Variants in ATE1 observed in about 807,000 individuals in gnomAD.
ATE1 encodes arginyltransferase 1, also known as arginyl-tRNA--protein transferase 1.
A neutral mutation model predicts 70.5 loss-of-function variants in ATE1; 36 were observed. The ratio of observed to expected loss-of-function variants is 0.51; its 90% CI spans 0.39 to 0.67. The LOEUF (loss-of-function observed/expected upper bound fraction) is 0.67, where lower values mean the gene tolerates loss of function less well. Among genes scored for constraint, ATE1 ranks in the 30% least tolerant of loss-of-function variants. The probability of loss-of-function intolerance (pLI) is 0.00; values close to 1 mark genes in which losing one functional copy is unlikely to be tolerated. For missense variants in ATE1, 593 were observed against 629.5 expected, an observed-to-expected ratio of 0.94 and a Z score of 0.62; for synonymous variants, 232 against 219.3, an observed-to-expected ratio of 1.06 and a Z score of -0.51.
chr10:121,907,878 C>T (rs1186619511), intron 5 of ATE1, among the ~76,000 whole-genome samples: 1 of 151,664 alleles, frequency 6.6e-6, no homozygotes, highest in Non-Finnish European at 1.5e-5. Context: ...AAAACAATGA[C>T]CAAGCCAGCA....
chr10:121,791,462 GA>G (rs1363879480), intron 10 of ATE1, among the ~76,000 whole-genome samples: 2 of 151,640 alleles, frequency 1.3e-5, no homozygotes, highest in African/African-American at 4.8e-5. Context: ...AGATGCTAAA[GA>G]AAAAAAATCA....
intron 6 of ATE1, among the ~76,000 whole-genome samples, chr10:121,900,818 T>C (rs10887019): frequency 0.3 from 45,528 of 152,126 alleles, 8,170 homozygotes; most frequent in Non-Finnish European, 0.41. Flanking sequence ...AGAACTGTTA[T>C]GTTAAGCGTG....
intron 10 of ATE1, among the ~76,000 whole-genome samples, chr10:121,825,393 G>A (rs1947967718): frequency 6.6e-6 from 1 of 152,104 alleles, no homozygotes; most frequent in Non-Finnish European, 1.5e-5. Context: ...GAAAATATTG[G>A]CTTAGGCAGA....
intron 3 of ATE1, among the ~76,000 whole-genome samples, chr10:121,915,055 G>A (rs1951591159): frequency 6.6e-6 from 1 of 152,132 alleles, no homozygotes; most frequent in South Asian, 2.1e-4. Flanking sequence ...AGAATCACCA[G>A]ACACTCGAGA....
chr10:121,848,935 G>A (rs1021395118), intron 8 of ATE1, among the ~76,000 whole-genome samples: 2 of 145,454 alleles, frequency 1.4e-5, no homozygotes, highest in Non-Finnish European at 3.0e-5. Context: ...TATTAAGAAC[G>A]TAAGTATGCT....
At chr10:121,817,050 TAA>T (rs879327663) in intron 10 of ATE1, among the ~76,000 whole-genome samples, 7 of 152,132 alleles carry the variant, frequency 4.6e-5, no homozygotes, top group Non-Finnish European at 8.8e-5. Context: ...CTCTTTTTAA[TAA>T]ACTTATCTTT....
At chr10:121,868,385 T>G (rs1949734093) in intron 8 of ATE1, among the ~76,000 whole-genome samples, 1 of 152,200 alleles carries the variant, frequency 6.6e-6, no homozygotes, top group Non-Finnish European at 1.5e-5. Flanking sequence ...ATGTACAAAA[T>G]TATGGATCTT....
chr10:121,917,537 GA>G (rs1203226561), intron 3 of ATE1, among the ~76,000 whole-genome samples: 1 of 152,016 alleles, frequency 6.6e-6, no homozygotes, highest in Non-Finnish European at 1.5e-5. Context: ...TAGGGATGGG[GA>G]CAAAAACGAG....
At chr10:121,887,808 A>T (rs981477672) in intron 7 of ATE1, among the ~76,000 whole-genome samples, 3 of 152,246 alleles carry the variant, frequency 2.0e-5, no homozygotes, top group Non-Finnish European at 4.4e-5. Flanking sequence ...AGGAAAAAAG[A>T]TGGTGAGAGG....
rs532088547 is a variant in ATE1 at position 121,755,283 on chromosome 10, T to TA, written c.1379-11426dup. 9.7e-4 allele frequency among the ~76,000 whole-genome samples: 147 copies of TA among 152,072 alleles called. 1 individual carries two copies. Among genetic ancestry groups the TA allele is most frequent in the African/African-American group, 3.3e-3 (137 of 41,510 alleles). Reference sequence around the variant, plus strand: ...GTTTTGATGGCCATGTCTAGTAATGTAAAAAAAAGTGTCCTTGTTTTCAGC... The same window carrying TA: ...GTTTTGATGGCCATGTCTAGTAATGTAAAAAAAAAGTGTCCTTGTTTTCAGC... On this transcript the variant is annotated intron_variant, in intron 11 of 11. Coordinates refer to ENST00000224652, the MANE Select transcript of ATE1 (RefSeq NM_001001976.3).
At chr10:121,757,678 C>A (rs1319968685) in intron 11 of ATE1, among the ~76,000 whole-genome samples, 2 of 152,296 alleles carry the variant, frequency 1.3e-5, no homozygotes, top group African/African-American at 4.8e-5. Context: ...TTTTGTGAGA[C>A]CCATTCACTA....
chr10:121,757,537 T>G (rs1218946776), intron 11 of ATE1, among the ~76,000 whole-genome samples: 2 of 152,158 alleles, frequency 1.3e-5, no homozygotes, highest in African/African-American at 4.8e-5. Flanking sequence ...TTAATTGGAC[T>G]TACAGTTCCA....
intron 10 of ATE1, among the ~76,000 whole-genome samples, chr10:121,830,139 C>T (rs1308284669): frequency 1.3e-5 from 2 of 152,172 alleles, no homozygotes; most frequent in Non-Finnish European, 2.9e-5. Flanking sequence ...ACTGAGGGTT[C>T]TCATGTGCAA....
Position 121,743,551 on chromosome 10 carries a change from C to A in ATE1, c.*129G>T. On this transcript the variant is annotated 3_prime_UTR_variant, in exon 12 of 12. Coordinates refer to ENST00000224652, the MANE Select transcript of ATE1 (RefSeq NM_001001976.3). ...ATTGCCACAAAATATTTTTTAAAAG[C>A]CATAGATAGTCAAAATAAAAAATGT... The A allele has an allele frequency of 7.2e-7, 1 of 1,379,784 alleles. No individual in the cohort carries two copies. 85.5% of individuals were successfully genotyped at this position (1,379,784 alleles called of 1,614,324 possible).
intron 8 of ATE1, among the ~76,000 whole-genome samples, chr10:121,847,743 C>T (rs543392914): frequency 1.9e-5 from 2 of 107,434 alleles, no homozygotes; most frequent in South Asian, 3.3e-4. Context: ...GGGGACAGAG[C>T]GAGACTCTGT....
intron 11 of ATE1, among the ~76,000 whole-genome samples, chr10:121,771,086 T>A (rs1945498121): frequency 1.3e-5 from 2 of 152,176 alleles, no homozygotes; most frequent in African/African-American, 4.8e-5. Flanking sequence ...TTATTTATTT[T>A]TTTGAGACAG....
intron 11 of ATE1, among the ~76,000 whole-genome samples, chr10:121,760,589 G>T (rs972024192): frequency 2.6e-5 from 4 of 152,246 alleles, no homozygotes; most frequent in African/African-American, 9.6e-5. Flanking sequence ...TTGCATGGAG[G>T]AGGAGTTGTT....
intron 10 of ATE1, among the ~76,000 whole-genome samples, chr10:121,794,041 T>A (rs1206368826): frequency 6.6e-6 from 1 of 152,220 alleles, no homozygotes; most frequent in Non-Finnish European, 1.5e-5. Context: ...GTTTATTCAG[T>A]GACCTCAGCA....
chr10:121,857,992 G>C (rs1401918130), intron 8 of ATE1, among the ~76,000 whole-genome samples: 2 of 152,124 alleles, frequency 1.3e-5, no homozygotes, highest in Non-Finnish European at 2.9e-5. Flanking sequence ...TATTGTAAAG[G>C]TTCATTCACC....
Sources: allele counts gnomAD v4.1 joint callset (sites outside exome capture counted in the v4.1 genomes callset), GRCh38; gene constraint gnomAD v4.1.1; transcripts MANE v1.5; gene names NCBI Gene and HGNC (gene_info 2026-07-23, HGNC 2026-07-21).